The following CNOT11 variants were observed in gnomAD, a reference collection of about 807,000 sequenced individuals.
The protein encoded by CNOT11 is CCR4-NOT transcription complex subunit 11.
In CNOT11, 18 loss-of-function variants were observed where a neutral mutation model predicts 44.6. The ratio of observed to expected loss-of-function variants is 0.40; its 90% CI spans 0.28 to 0.60. The LOEUF (loss-of-function observed/expected upper bound fraction) is 0.60, where lower values mean the gene tolerates loss of function less well. Ranked by LOEUF, CNOT11 falls within the 20% of genes least tolerant of loss-of-function variation. The pLI, the probability that CNOT11 is intolerant of heterozygous loss-of-function variation, is 0.38. For missense variants in CNOT11, 513 were observed against 677.0 expected (o/e 0.76, Z 2.69); for synonymous variants, 291 against 270.9 (o/e 1.07, Z -0.73).
intron 3 of CNOT11, among the ~76,000 whole-genome samples, chr2:101,262,928 C>T (rs1352498558): frequency 2.0e-5 from 3 of 151,992 alleles, no homozygotes; most frequent in African/African-American, 7.3e-5. Flanking sequence ...CCTATGCATA[C>T]CTAAAGATAC....
chr2:101,269,558 A>G lies in CNOT11; in HGVS notation c.*145A>G, dbSNP rs557353603. On this transcript the variant is annotated 3_prime_UTR_variant, in exon 7 of 7. Coordinates refer to ENST00000289382, the MANE Select transcript of CNOT11 (RefSeq NM_017546.5). This position sits in a 1 kb window ranked among gnomAD's most constrained non-coding sequence, Gnocchi z 4.8. Reference sequence around the variant, plus strand: ...TTAAAGCAAAGTTTTGCTTTCTTGAATGACTTTTTCTGTGAGATGAATTTT... The same window carrying G: ...TTAAAGCAAAGTTTTGCTTTCTTGAGTGACTTTTTCTGTGAGATGAATTTT... 1 of 606,290 alleles carries G rather than the reference A, an allele frequency of 1.6e-6. No homozygotes were observed. Among genetic ancestry groups the G allele is most frequent in the East Asian group, 2.9e-5 (1 of 34,928 alleles). 37.6% of individuals were successfully genotyped at this position (606,290 alleles called of 1,614,324 possible).
At chr2:101,256,369 A>G (rs539990719) in intron 1 of CNOT11, among the ~76,000 whole-genome samples, 7 of 152,218 alleles carry the variant, frequency 4.6e-5, no homozygotes, top group African/African-American at 1.7e-4. Context: ...AGTATGGACT[A>G]TGGGTGGTGG....
Position 101,264,858 on chromosome 2 carries a change from A to G in CNOT11, c.846A>G (p.Pro282=), listed in dbSNP as rs1381826532. Reference sequence around the variant, plus strand: ...CTCTCATTACAGGCCATTTTCGACCAGAGTTTATTCGTCCACCGCCTCCAC... The same window carrying G: ...CTCTCATTACAGGCCATTTTCGACCGGAGTTTATTCGTCCACCGCCTCCAC... ...PKPPIESHFR[P]EFIRPPPPLH... Residue 282 remains proline, a synonymous_variant, in exon 4 of 7, where the codon CCA becomes CCG. Transcript: ENST00000289382. The G allele has an allele frequency of 1.2e-6, 2 of 1,614,146 alleles. No homozygotes were observed. The highest frequency in any genetic ancestry group is 1.7e-5 in the Admixed American group (1 of 60,026).
chr2:101,269,180 A>AT lies in CNOT11; in HGVS notation c.1336-35dup. 6.2e-7 allele frequency: 1 copy of AT among 1,603,568 alleles called. No homozygotes were observed. Among genetic ancestry groups the AT allele is most frequent in the Non-Finnish European group, 8.5e-7 (1 of 1,174,598 alleles). On this transcript the variant is annotated intron_variant, in intron 6 of 6. Transcript: ENST00000289382. The surrounding 1 kb of genome is among the most constrained non-coding windows in gnomAD (Gnocchi z 4.8). ...AATTTTATAAATGGCTGCCAGGAAA[A>AT]TGAGCAGACTAACATTTTTTTTTTT...
Position 101,262,597 on chromosome 2 carries a change from C to G in CNOT11, c.738C>G (p.Asp246Glu), listed in dbSNP as rs1403801308. Residue 246 changes from aspartate (D) to glutamate (E), a missense_variant, in exon 3 of 7, where the codon GAC (aspartate) becomes GAG (glutamate). Transcript: ENST00000289382. ...CGAGCTTCCCCAGTATTCTCAGTGACCCAGACCCGGATTCTTCTAATTCTG... is the reference window on the plus strand; with the variant it reads ...CGAGCTTCCCCAGTATTCTCAGTGAGCCAGACCCGGATTCTTCTAATTCTG... ...SKASFPSILS[D>E]PDPDSSNSGF... 35 of 1,614,092 alleles carry G rather than the reference C, an allele frequency of 2.2e-5. No homozygotes were observed. Among genetic ancestry groups the G allele is most frequent in the Non-Finnish European group, 2.8e-5 (33 of 1,179,954 alleles).
Position 101,253,522 on chromosome 2 carries a change from C to T in CNOT11, c.514+44C>T, listed in dbSNP as rs996896155. 10 of 1,387,002 alleles carry T rather than the reference C, an allele frequency of 7.2e-6. No individual in the cohort carries two copies. The highest frequency in any genetic ancestry group is 6.2e-5 in the South Asian group (4 of 64,056). 85.9% of individuals were successfully genotyped at this position (1,387,002 alleles called of 1,614,324 possible). A position where few individuals can be genotyped will look rare whatever the true frequency, so the allele number is the denominator to read the frequency against. ...TGTGCCGTGTGGATAGCGTTAGATT[C>T]CGCAGCTTTCCACCTGCGCTGCTGG... On this transcript the variant is annotated intron_variant, in intron 1 of 6. Coordinates refer to ENST00000289382, the MANE Select transcript of CNOT11 (RefSeq NM_017546.5). This position sits in a 1 kb window ranked among gnomAD's most constrained non-coding sequence, Gnocchi z 4.3.
Position 101,257,791 on chromosome 2 carries a change from G to T in CNOT11, c.515G>T (p.Gly172Val). Residue 172 changes from glycine to valine, a missense_variant and splice_region_variant, in exon 2 of 7, where the codon GGA becomes GTA. Gly to Val is a moderately radical substitution (Grantham distance 109, BLOSUM62 -3). Around this residue, in one of 4 missense-constraint regions of CNOT11, gnomAD observed 259 missense variants for 265.7 expected, o/e 0.97. Coordinates refer to ENST00000289382, the MANE Select transcript of CNOT11 (RefSeq NM_017546.5). ...GQEPDRPPLS[G>V]FLPPITPPEK... is the part of the protein sequence containing the mutation. ...AATCGTTATACATTTTTGTTTGCAG[G>T]ATTTTTACCTCCTATAACTCCACCA... 6.2e-7 allele frequency: 1 copy of T among 1,601,714 alleles called. No homozygotes were observed. Among genetic ancestry groups the T allele is most frequent in the Non-Finnish European group, 8.5e-7 (1 of 1,174,268 alleles).
Position 101,269,534 on chromosome 2 carries a change from T to A in CNOT11, c.*121T>A. 1.3e-6 allele frequency: 1 copy of A among 754,416 alleles called. No homozygotes were observed. Among genetic ancestry groups the A allele is most frequent in the Non-Finnish European group, 2.0e-6 (1 of 490,494 alleles). The allele number at this position is 754,416 out of a possible 1,614,324, so 46.7% of individuals were successfully genotyped here. On this transcript the variant is annotated 3_prime_UTR_variant, in exon 7 of 7. Transcript: ENST00000289382. The surrounding 1 kb of genome is among the most constrained non-coding windows in gnomAD (Gnocchi z 4.8). ...GCATATAAACAGTACTTTATCTACT[T>A]AAAGCAAAGTTTTGCTTTCTTGAAT...
At chr2:101,262,130 G>A (rs1049785081) in intron 2 of CNOT11, among the ~76,000 whole-genome samples, 6 of 152,076 alleles carry the variant, frequency 3.9e-5, no homozygotes, top group African/African-American at 1.4e-4. Context: ...TTACAGGCAT[G>A]AGCCACTGCG....
rs1681664763 is a variant in CNOT11 at position 101,253,260 on chromosome 2, C to T, written c.296C>T (p.Ala99Val). ...GCCTTCCACCACTACTTCAGCAAGG[C>T]CGACCACTTCCGCCTGGGCTCGGTG... is the stretch of plus-strand genomic sequence containing the variant. ...STAFHHYFSK[A>V]DHFRLGSVLV... Residue 99 changes from alanine (A) to valine (V), a missense_variant, in exon 1 of 7, where the codon GCC becomes GTC. Coordinates refer to ENST00000289382, the MANE Select transcript of CNOT11 (RefSeq NM_017546.5). The surrounding 1 kb of genome is among the most constrained non-coding windows in gnomAD (Gnocchi z 4.3). 1 of 1,611,948 alleles carries T rather than the reference C, an allele frequency of 6.2e-7. No individual in the cohort carries two copies. Among genetic ancestry groups the T allele is most frequent in the Non-Finnish European group, 8.5e-7 (1 of 1,179,614 alleles).
rs1400972850 is a variant in CNOT11, at chr2:101,269,384, A to G, written c.1504A>G (p.Thr502Ala). 1.2e-6 allele frequency: 2 copies of G among 1,614,102 alleles called. No individual in the cohort carries two copies. The highest frequency in any genetic ancestry group is 2.2e-5 in the South Asian group (2 of 91,084). Residue 502 changes from threonine (T) to alanine (A), a missense_variant, in exon 7 of 7, where the codon ACA becomes GCA. Coordinates refer to ENST00000289382, the MANE Select transcript of CNOT11 (RefSeq NM_017546.5). The surrounding 1 kb of genome is among the most constrained non-coding windows in gnomAD (Gnocchi z 4.8). ...RLLKTLDTGE[T>A]PSETKMSK is the part of the protein sequence containing the mutation. Reference sequence around the variant, plus strand: ...GTTGAAGACATTGGATACTGGGGAAACACCTTCTGAGACCAAAATGTCAAA... The same window carrying G: ...GTTGAAGACATTGGATACTGGGGAAGCACCTTCTGAGACCAAAATGTCAAA...
chr2:101,254,440 T>G (rs926782637), intron 1 of CNOT11, among the ~76,000 whole-genome samples: 2 of 152,204 alleles, frequency 1.3e-5, no homozygotes, highest in African/African-American at 4.8e-5. Flanking sequence ...CATCAGGATC[T>G]TCTGATAGGT....
At chr2:101,260,078 G>A (rs1417451849) in intron 2 of CNOT11, among the ~76,000 whole-genome samples, 1 of 152,052 alleles carries the variant, frequency 6.6e-6, no homozygotes, top group African/African-American at 2.4e-5. Context: ...ATGTAACAAT[G>A]GTTATGTTCT....
At chr2:101,258,395 C>CAATAAATAAATAAATA (rs58613763) in intron 2 of CNOT11, among the ~76,000 whole-genome samples, 77 of 144,714 alleles carry the variant, frequency 5.3e-4, no homozygotes, top group African/African-American at 1.9e-3. Context: ...GACTCCATCT[C>CAATAAATAAATAAATA]AATAAATAAA....
chr2:101,256,895 A>G (rs1681744123), intron 1 of CNOT11, among the ~76,000 whole-genome samples: 1 of 151,812 alleles, frequency 6.6e-6, no homozygotes, highest in Non-Finnish European at 1.5e-5. Flanking sequence ...AAAAAGTACA[A>G]AAAATTACCT....
At chr2:101,264,750 A>G (rs934361541) in intron 3 of CNOT11, 95 bp from the exon 4 acceptor site, 19 of 965,902 alleles carry the variant, frequency 2.0e-5, no homozygotes, top group Non-Finnish European at 2.9e-5. Context: ...ATCCTTATTA[A>G]GAGATTTCTT....
chr2:101,264,700 C>T, intron 3 of CNOT11, 145 bp from the exon 4 acceptor site: 2 of 648,322 alleles, frequency 3.1e-6, no homozygotes, highest in Non-Finnish European at 5.4e-6. Context: ...CTGTGTCATT[C>T]CTGCTTCTGA....
At chr2:101,261,136 G>A (rs1337459271) in intron 2 of CNOT11, among the ~76,000 whole-genome samples, 1 of 152,156 alleles carries the variant, frequency 6.6e-6, no homozygotes, top group East Asian at 1.9e-4. Context: ...AAGTGAACCA[G>A]GAGCAACCTG....
chr2:101,260,233 C>T (rs1681823896), intron 2 of CNOT11, among the ~76,000 whole-genome samples: 1 of 152,030 alleles, frequency 6.6e-6, no homozygotes, highest in Non-Finnish European at 1.5e-5. Context: ...ACTTTGAAAA[C>T]TGGATACAGA....
Sources: gnomAD v4.1 joint callset for allele counts (sites outside exome capture counted in the v4.1 genomes callset) on GRCh38, gnomAD v4.1.1 for gene constraint, gnomAD v4.1.1 regional missense constraint, Gnocchi (gnomAD v3.1) non-coding constraint, MANE v1.5 for transcripts, NCBI Gene and HGNC (gene_info 2026-07-23, HGNC 2026-07-21) for gene names.